Variants in CCNY observed in about 807,000 individuals in gnomAD.
The protein encoded by CCNY is cyclin Y, also known as cyclin-Y.
A neutral mutation model predicts 42.8 loss-of-function variants in CCNY; 19 were observed. That is an observed-to-expected ratio of 0.44 (90% confidence interval 0.31 to 0.65). The LOEUF (loss-of-function observed/expected upper bound fraction) is 0.65, where lower values mean the gene tolerates loss of function less well. Ranked by LOEUF, CCNY falls within the 30% of genes least tolerant of loss-of-function variation. The probability of loss-of-function intolerance (pLI) is 0.07; values close to 1 mark genes in which losing one functional copy is unlikely to be tolerated. For synonymous variants in CCNY, 165 were observed against 162.7 expected, an observed-to-expected ratio of 1.01 and a Z score of -0.11; for missense variants, 370 against 437.3, an observed-to-expected ratio of 0.85 and a Z score of 1.37.
At chr10:35,516,691 T>C (rs1840438274) in intron 4 of CCNY, 68 bp downstream of exon 4, 1 of 797,866 alleles carries the variant, frequency 1.3e-6, no homozygotes, top group Non-Finnish European at 1.9e-6. Context: ...TTTTTTTTAC[T>C]TAACTGAATG....
chr10:35,419,569 A>C (rs558008926), intron 1 of CCNY, among the ~76,000 whole-genome samples: 8 of 138,168 alleles, frequency 5.8e-5, no homozygotes, highest in Admixed American at 1.4e-4. Context: ...AGGATTTTTA[A>C]GGTGATAAGT....
chr10:35,437,629 T>C (rs1033665798), intron 1 of CCNY, among the ~76,000 whole-genome samples: 43 of 151,886 alleles, frequency 2.8e-4, no homozygotes, highest in African/African-American at 1.0e-3. Flanking sequence ...GCTCCAGCAC[T>C]CTAGCCTGGG....
intron 3 of CCNY, among the ~76,000 whole-genome samples, chr10:35,516,140 C>T (rs966060663): frequency 1.3e-5 from 2 of 152,192 alleles, no homozygotes; most frequent in African/African-American, 4.8e-5. Context: ...TTGTCTTGAT[C>T]TTAGTGCGTA....
intron 3 of CCNY, among the ~76,000 whole-genome samples, chr10:35,327,019 A>G (rs553364873): frequency 3.3e-5 from 5 of 152,268 alleles, no homozygotes; most frequent in Non-Finnish European, 7.4e-5. Context: ...CTACTCTACA[A>G]CCTTCCTTGT....
intron 1 of CCNY, among the ~76,000 whole-genome samples, chr10:35,426,015 C>G (rs1838257255): frequency 6.6e-6 from 1 of 151,276 alleles, no homozygotes; most frequent in Non-Finnish European, 1.5e-5. Context: ...CTGGCCATAG[C>G]CAGCAGCACC....
At chr10:35,399,086 A>T (rs1837587276) in intron 1 of CCNY, among the ~76,000 whole-genome samples, 4 of 152,240 alleles carry the variant, frequency 2.6e-5, no homozygotes, top group African/African-American at 9.6e-5. Context: ...TTGAGAACCC[A>T]ACTGACTTGA....
At chr10:35,559,971 G>A (rs370046849) in intron 8 of CCNY, among the ~76,000 whole-genome samples, 1 of 152,192 alleles carries the variant, frequency 6.6e-6, no homozygotes, top group Non-Finnish European at 1.5e-5. Flanking sequence ...TGGACACTGT[G>A]ACCTCTTTCT....
At position 35,281,287 on chromosome 10, in the gene CCNY, T is replaced by C. The variant is rs563219504; in HGVS notation, c.-9+30661T>C. 1.1e-4 allele frequency among the ~76,000 whole-genome samples: 16 copies of C among 152,054 alleles called. No individual in the cohort carries two copies. In the East Asian group the frequency reaches 2.9e-3, roughly 27 times the overall value. On this transcript the variant is annotated intron_variant, in intron 3 of 11. Transcript: ENST00000374706. The stretch of plus-strand genomic sequence containing the variant: ...CTTGTACAGGAATTTTTATTATTTA[T>C]TTATTATTTATTTATTTATTTATTT...
intron 4 of CCNY, among the ~76,000 whole-genome samples, chr10:35,520,454 A>G (rs1840525511): frequency 6.6e-6 from 1 of 152,116 alleles, no homozygotes; most frequent in Non-Finnish European, 1.5e-5. Context: ...TAACACAATC[A>G]TTAATATTGT....
chr10:35,562,248 G>A (rs1047910721), intron 8 of CCNY, among the ~76,000 whole-genome samples: 3 of 152,214 alleles, frequency 2.0e-5, no homozygotes, highest in Admixed American at 2.0e-4. Flanking sequence ...CACAGAGAAA[G>A]AACTTCAGTT....
intron 1 of CCNY, among the ~76,000 whole-genome samples, chr10:35,410,439 CAT>C (rs374928129): frequency 4.3e-4 from 65 of 152,208 alleles, no homozygotes; most frequent in Non-Finnish European, 6.9e-4. Context: ...AGAACTAACA[CAT>C]GTGATCACGG....
At chr10:35,402,532 T>G (rs1009566076) in intron 1 of CCNY, among the ~76,000 whole-genome samples, 5 of 152,206 alleles carry the variant, frequency 3.3e-5, no homozygotes, top group Non-Finnish European at 7.3e-5. Context: ...GTCCTCTTTT[T>G]TTAGCAGTGA....
intron 2 of CCNY, among the ~76,000 whole-genome samples, chr10:35,499,445 G>T (rs1840067114): frequency 6.6e-6 from 1 of 152,138 alleles, no homozygotes; most frequent in East Asian, 1.9e-4. Context: ...CACAACATGT[G>T]GGAATTCAAG....
At chr10:35,360,238 ATGACTGGAATT>A (rs1449387172) in intron 1 of CCNY, among the ~76,000 whole-genome samples, 1 of 151,464 alleles carries the variant, frequency 6.6e-6, no homozygotes, top group Non-Finnish European at 1.5e-5. Flanking sequence ...GGCCAAAGGG[ATGACTGGAATT>A]TTAAAATTAA....
chr10:35,565,700 A>C (rs992710567), intron 8 of CCNY, among the ~76,000 whole-genome samples: 5 of 152,200 alleles, frequency 3.3e-5, no homozygotes, highest in African/African-American at 1.2e-4. Context: ...TGGCTGCTGC[A>C]TCCACCCTTT....
intron 1 of CCNY, among the ~76,000 whole-genome samples, chr10:35,338,591 A>AG (rs1282808612): frequency 1.3e-5 from 2 of 152,242 alleles, no homozygotes; most frequent in African/African-American, 4.8e-5. Context: ...AGCACCTGAA[A>AG]GAAAAGTCTA....
chr10:35,257,230 C>CCCTCCCTT (rs146778971), intron 3 of CCNY, among the ~76,000 whole-genome samples: 2 of 130,566 alleles, frequency 1.5e-5, no homozygotes, highest in African/African-American at 3.1e-5. Flanking sequence ...CTCCCTCCCT[C>CCCTCCCTT]CCTTCCTTCC....
intron 1 of CCNY, among the ~76,000 whole-genome samples, chr10:35,479,574 G>C (rs567070039): frequency 7.4e-6 from 1 of 134,300 alleles, no homozygotes; most frequent in African/African-American, 2.9e-5. Flanking sequence ...CATGGACACA[G>C]GAAGGGGAAC....
chr10:35,266,792 G>C (rs1314979390), intron 3 of CCNY, among the ~76,000 whole-genome samples: 1 of 152,010 alleles, frequency 6.6e-6, no homozygotes, highest in Non-Finnish European at 1.5e-5. Flanking sequence ...CTTGAAAGAT[G>C]ACCTACTGTC....
Sources: gnomAD v4.1 joint callset for allele counts (sites outside exome capture counted in the v4.1 genomes callset) on GRCh38, gnomAD v4.1.1 for gene constraint, MANE v1.5 for transcripts, NCBI Gene and HGNC (gene_info 2026-07-23, HGNC 2026-07-21) for gene names.